Variants in CADPS2 observed in about 807,000 individuals in gnomAD.
CADPS2 encodes the protein calcium dependent secretion activator 2, also known as calcium-dependent secretion activator 2.
Under a neutral mutation model 172.5 loss-of-function variants are expected in CADPS2, and 93 were observed. That is an observed-to-expected ratio of 0.54 (90% CI 0.46 to 0.64). The LOEUF (loss-of-function observed/expected upper bound fraction) is 0.64. Ranked by LOEUF, CADPS2 falls within the 30% of genes least tolerant of loss-of-function variation. CADPS2 has a pLI of 0.00. For synonymous variants in CADPS2, 546 were observed against 555.2 expected, an observed-to-expected ratio of 0.98 and a Z score of 0.23; for missense variants, 1,420 against 1,565.9, an observed-to-expected ratio of 0.91 and a Z score of 1.57.
chr7:122,339,713 CCT>C (rs2036480974), intron 28 of CADPS2, among the ~76,000 whole-genome samples: 2 of 152,084 alleles, frequency 1.3e-5, no homozygotes, highest in African/African-American at 2.4e-5. Flanking sequence ...GTGGGGAAAC[CCT>C]GTTTCTACTA....
At chr7:122,787,888 A>T (rs966215110) in intron 1 of CADPS2, among the ~76,000 whole-genome samples, 1 of 152,194 alleles carries the variant, frequency 6.6e-6, no homozygotes, top group Non-Finnish European at 1.5e-5. Context: ...TAGGCTCCCA[A>T]GGTCCAGCCA....
intron 2 of CADPS2, among the ~76,000 whole-genome samples, chr7:122,714,808 G>A (rs911389644): frequency 1.3e-5 from 2 of 152,074 alleles, no homozygotes; most frequent in African/African-American, 4.8e-5. Flanking sequence ...AATAAGTTCC[G>A]ATTTGAGTCT....
At chr7:122,413,141 G>A (rs751689370) in intron 19 of CADPS2, 1 of 152,340 alleles carries the variant, frequency 6.6e-6, no homozygotes, top group Admixed American at 6.5e-5. Flanking sequence ...GTGTGTGGAG[G>A]GGGGCATACT....
chr7:122,630,933 C>A (rs922196470), intron 3 of CADPS2, among the ~76,000 whole-genome samples: 1 of 151,986 alleles, frequency 6.6e-6, no homozygotes, highest in Admixed American at 6.6e-5. Context: ...ATAAAACTAA[C>A]AAACAATTTT....
intron 1 of CADPS2, among the ~76,000 whole-genome samples, chr7:122,853,825 G>C (rs1216912602): frequency 6.6e-6 from 1 of 152,184 alleles, no homozygotes; most frequent in Non-Finnish European, 1.5e-5. Context: ...GCGGATGTGG[G>C]GAAGGGAGCA....
chr7:122,684,693 A>G (rs1343291192), intron 2 of CADPS2, among the ~76,000 whole-genome samples: 1 of 152,190 alleles, frequency 6.6e-6, no homozygotes, highest in Non-Finnish European at 1.5e-5. Flanking sequence ...TGATATGCCA[A>G]TGTTAACAAG....
At chr7:122,803,022 T>C (rs1345830222) in intron 1 of CADPS2, among the ~76,000 whole-genome samples, 1 of 152,222 alleles carries the variant, frequency 6.6e-6, no homozygotes, top group Non-Finnish European at 1.5e-5. Context: ...AAAATATGAA[T>C]TATATTTAAA....
rs150672638 is a variant in CADPS2, at chr7:122,392,785, T to C, written c.3008+411A>G. On this transcript the variant is annotated intron_variant, in intron 22 of 29. Transcript: ENST00000449022. The stretch of plus-strand genomic sequence containing the variant: ...GAAAAATATTATATTCTTGAAACCA[T>C]TCTTCCAAAGGTTTTCTACTTGCAC... 1.7e-3 allele frequency among the ~76,000 whole-genome samples: 256 copies of C among 152,254 alleles called. 1 individual carries two copies. The highest frequency in any genetic ancestry group is 5.6e-3 in the African/African-American group (234 of 41,542).
At chr7:122,414,663 T>C (rs1284762122) in intron 18 of CADPS2, among the ~76,000 whole-genome samples, 3 of 152,168 alleles carry the variant, frequency 2.0e-5, no homozygotes, top group East Asian at 1.9e-4. Flanking sequence ...AAAAACTAGA[T>C]TCCACAGTGT....
chr7:122,701,242 A>G (rs1404780189), intron 2 of CADPS2, among the ~76,000 whole-genome samples: 2 of 152,332 alleles, frequency 1.3e-5, no homozygotes, highest in South Asian at 2.1e-4. Flanking sequence ...CATATACACC[A>G]TGGAATACTA....
At chr7:122,418,239 C>T (rs1313365951) in intron 17 of CADPS2, among the ~76,000 whole-genome samples, 2 of 152,076 alleles carry the variant, frequency 1.3e-5, no homozygotes. Flanking sequence ...GGGCGCTTCC[C>T]ACGTGTTAGC....
At chr7:122,681,396 C>T (rs1057333908) in intron 2 of CADPS2, 36 of 1,494,856 alleles carry the variant, frequency 2.4e-5, no homozygotes, top group African/African-American at 5.5e-5. Flanking sequence ...TAACTGTGCC[C>T]GATGCGTGCC....
intron 1 of CADPS2, among the ~76,000 whole-genome samples, chr7:122,840,173 A>G (rs1024947067): frequency 1.3e-5 from 2 of 152,138 alleles, no homozygotes; most frequent in Admixed American, 6.6e-5. Context: ...GCAAACTATC[A>G]CAAGGACAGA....
At chr7:122,642,152 C>T (rs865851597) in intron 3 of CADPS2, among the ~76,000 whole-genome samples, 72 of 151,716 alleles carry the variant, frequency 4.7e-4, no homozygotes, top group African/African-American at 1.6e-3. Flanking sequence ...TGGTGGTAGG[C>T]GCCTGTAATC....
chr7:122,767,558 C>G (rs752158220), intron 1 of CADPS2, among the ~76,000 whole-genome samples: 3 of 152,080 alleles, frequency 2.0e-5, no homozygotes, highest in Non-Finnish European at 1.5e-5. Context: ...AGTTGAGAGG[C>G]ATTCAAACGC....
At chr7:122,827,037 C>CA (rs969120447) in intron 1 of CADPS2, among the ~76,000 whole-genome samples, 11 of 151,772 alleles carry the variant, frequency 7.2e-5, no homozygotes, top group African/African-American at 2.2e-4. Context: ...GCAACAGTAA[C>CA]AAAAAAAGAG....
chr7:122,606,433 A>T (rs1052261848), intron 6 of CADPS2, among the ~76,000 whole-genome samples: 2 of 152,150 alleles, frequency 1.3e-5, no homozygotes, highest in African/African-American at 4.8e-5. Flanking sequence ...TCATAGTTTG[A>T]AAAACATCGT....
At chr7:122,827,638 A>C (rs1805319578) in intron 1 of CADPS2, among the ~76,000 whole-genome samples, 1 of 151,940 alleles carries the variant, frequency 6.6e-6, no homozygotes, top group South Asian at 2.1e-4. Flanking sequence ...ATCTCAAAAA[A>C]AAAAAAGAAA....
intron 4 of CADPS2, 54 bp downstream of exon 4, chr7:122,629,194 G>C (rs2076347284): frequency 2.9e-6 from 4 of 1,390,508 alleles, no homozygotes; most frequent in Non-Finnish European, 3.9e-6. Flanking sequence ...TCAGCTCACA[G>C]AAATCTAGGT....
Sources: allele counts gnomAD v4.1 joint callset (sites outside exome capture counted in the v4.1 genomes callset), GRCh38; gene constraint gnomAD v4.1.1; transcripts MANE v1.5; gene names NCBI Gene and HGNC (gene_info 2026-07-23, HGNC 2026-07-21).